Variants in MAP2 observed in about 807,000 individuals in gnomAD.
MAP2 encodes the protein microtubule associated protein 2, also known as microtubule-associated protein 2.
Under a neutral mutation model 137.6 loss-of-function variants are expected in MAP2, and 14 were observed. The ratio of observed to expected loss-of-function variants is 0.10; its 90% confidence interval spans 0.07 to 0.16. MAP2 has a LOEUF of 0.16. MAP2 is among the 10% of genes least tolerant of loss of function. MAP2 has a pLI of 1.00. For missense variants in MAP2, 2,088 were observed against 2,191.5 expected, an observed-to-expected ratio of 0.95 and a Z score of 0.94; for synonymous variants, 786 against 782.3, an observed-to-expected ratio of 1.00 and a Z score of -0.08.
chr2:209,626,831 T>G (rs773447332), intron 4 of MAP2, among the ~76,000 whole-genome samples: 2 of 152,208 alleles, frequency 1.3e-5, no homozygotes, highest in Non-Finnish European at 2.9e-5. Flanking sequence ...TGGTGCCTAG[T>G]ATTATTAATT....
intron 4 of MAP2, among the ~76,000 whole-genome samples, chr2:209,627,330 T>C (rs915165575): frequency 6.6e-5 from 10 of 152,134 alleles, no homozygotes; most frequent in Admixed American, 4.6e-4. Flanking sequence ...GGTAGTGAAA[T>C]AGTAGACATA....
At chr2:209,609,167 A>C (rs1016618356) in intron 3 of MAP2, among the ~76,000 whole-genome samples, 2 of 151,968 alleles carry the variant, frequency 1.3e-5, no homozygotes, top group Non-Finnish European at 2.9e-5. Flanking sequence ...TATAGTAACA[A>C]ATGTATATTC....
chr2:209,435,922 A>T (rs1392332723), intron 1 of MAP2, among the ~76,000 whole-genome samples: 2 of 141,424 alleles, frequency 1.4e-5, no homozygotes, highest in Non-Finnish European at 3.1e-5. Flanking sequence ...CATGCCAAAT[A>T]TATATATTAT....
intron 2 of MAP2, among the ~76,000 whole-genome samples, chr2:209,557,091 ATAGT>A (rs1212152604): frequency 6.6e-6 from 1 of 152,340 alleles, no homozygotes; most frequent in Admixed American, 6.5e-5. Flanking sequence ...ATAATTTAAC[ATAGT>A]TAAGTAATAC....
At chr2:209,651,061 A>C (rs1385677697) in intron 4 of MAP2, among the ~76,000 whole-genome samples, 1 of 152,222 alleles carries the variant, frequency 6.6e-6, no homozygotes, top group African/African-American at 2.4e-5. Flanking sequence ...ATTGGAATCT[A>C]GATAATTTCC....
intron 4 of MAP2, among the ~76,000 whole-genome samples, chr2:209,645,318 A>G (rs1045896986): frequency 6.6e-6 from 1 of 152,224 alleles, no homozygotes; most frequent in East Asian, 1.9e-4. Context: ...TAGATAACCA[A>G]CCAAAATATG....
At chr2:209,640,606 G>A (rs565340160) in intron 4 of MAP2, among the ~76,000 whole-genome samples, 1 of 151,896 alleles carries the variant, frequency 6.6e-6, no homozygotes, top group Non-Finnish European at 1.5e-5. Flanking sequence ...CTTATATTTG[G>A]AATGTGATTT....
intron 4 of MAP2, among the ~76,000 whole-genome samples, chr2:209,641,638 A>G (rs995156199): frequency 1.3e-5 from 2 of 151,274 alleles, no homozygotes; most frequent in Non-Finnish European, 2.9e-5. Flanking sequence ...CAATATCTCC[A>G]GTACCTAAAT....
chr2:209,495,563 C>T (rs1223020382), intron 1 of MAP2, among the ~76,000 whole-genome samples: 1 of 152,234 alleles, frequency 6.6e-6, no homozygotes, highest in Non-Finnish European at 1.5e-5. Context: ...AGTGGACCTC[C>T]AGCAAACTCC....
At chr2:209,446,563 A>G (rs1699107667) in intron 1 of MAP2, among the ~76,000 whole-genome samples, 1 of 151,916 alleles carries the variant, frequency 6.6e-6, no homozygotes, top group Admixed American at 6.6e-5. Context: ...GGCTTAACCT[A>G]GAACTGCCTA....
intron 1 of MAP2, among the ~76,000 whole-genome samples, chr2:209,488,166 C>A (rs2058627825): frequency 6.6e-6 from 1 of 152,156 alleles, no homozygotes; most frequent in Non-Finnish European, 1.5e-5. Context: ...TCGCCTCACC[C>A]AGGAAGCACG....
At chr2:209,721,048 A>C (rs1216996091) in intron 13 of MAP2, among the ~76,000 whole-genome samples, 5 of 152,082 alleles carry the variant, frequency 3.3e-5, no homozygotes, top group Admixed American at 6.6e-5. Context: ...TTATTTGTGG[A>C]ATGAACTCTA....
intron 2 of MAP2, among the ~76,000 whole-genome samples, chr2:209,574,107 T>C (rs2074901774): frequency 6.6e-6 from 1 of 152,172 alleles, no homozygotes; most frequent in South Asian, 2.1e-4. Flanking sequence ...TACAATGTTA[T>C]TACCTATGAT....
chr2:209,570,193 T>A (rs982983904), intron 2 of MAP2, among the ~76,000 whole-genome samples: 1 of 151,838 alleles, frequency 6.6e-6, no homozygotes, highest in East Asian at 1.9e-4. Context: ...CCTGGAAAAA[T>A]AGAAAATTCT....
At chr2:209,457,291 G>A (rs980030153) in intron 1 of MAP2, among the ~76,000 whole-genome samples, 1 of 152,116 alleles carries the variant, frequency 6.6e-6, no homozygotes, top group Non-Finnish European at 1.5e-5. Flanking sequence ...ACTGGGTCTG[G>A]CAAAATCTTC....
chr2:209,560,546 C>T (rs550488912), intron 2 of MAP2, among the ~76,000 whole-genome samples: 53 of 149,682 alleles, frequency 3.5e-4, no homozygotes, highest in African/African-American at 1.3e-3. Flanking sequence ...GTGGTGTGCT[C>T]ATGGCCCTCT....
chr2:209,523,046 A>C (rs145401819), intron 2 of MAP2, among the ~76,000 whole-genome samples: 1 of 152,328 alleles, frequency 6.6e-6, no homozygotes, highest in African/African-American at 2.4e-5. Context: ...AGCTTAAATT[A>C]GTTAAGTCAG....
At chr2:209,656,331 C>T (rs2095142838) in intron 5 of MAP2, among the ~76,000 whole-genome samples, 1 of 151,858 alleles carries the variant, frequency 6.6e-6, no homozygotes, top group African/African-American at 2.4e-5. Context: ...GTCTGGGCAA[C>T]ATGGCAAAAC....
At position 209,710,052 on chromosome 2, in the gene MAP2, G is replaced by A. The variant is rs1258858091; in HGVS notation, c.4871G>A (p.Arg1624Lys). ...PGTPGTPSYPRTPHTPGTPKS... is the reference protein window; with the variant it reads ...PGTPGTPSYPKTPHTPGTPKS... Reference sequence around the variant, plus strand: ...ACTCCTGGAACCCCTAGCTATCCCAGGACCCCTCACACACCAGGAACCCCC... The same window carrying A: ...ACTCCTGGAACCCCTAGCTATCCCAAGACCCCTCACACACCAGGAACCCCC... Residue 1624 changes from arginine to lysine, a missense_variant, in exon 13 of 16, where the codon AGG (arginine) becomes AAG (lysine). Arg to Lys is a conservative substitution (Grantham distance 26). Transcript: ENST00000682079. 1.2e-6 allele frequency: 2 copies of A among 1,613,848 alleles called. No individual in the cohort carries two copies. The highest frequency in any genetic ancestry group is 2.7e-5 in the African/African-American group (2 of 74,924).
Sources: allele counts gnomAD v4.1 joint callset (sites outside exome capture counted in the v4.1 genomes callset), GRCh38; gene constraint gnomAD v4.1.1; transcripts MANE v1.5; gene names NCBI Gene and HGNC (gene_info 2026-07-23, HGNC 2026-07-21).